LSM6: variants seen among roughly 807,000 people sequenced by gnomAD.
LSM6 encodes U6 snRNA-associated Sm-like protein LSm6.
A neutral mutation model predicts 13.5 loss-of-function variants in LSM6; 2 were observed. The ratio of observed to expected loss-of-function variants is 0.15; its 90% confidence interval spans 0.06 to 0.47. LSM6 has a LOEUF of 0.47. LSM6 is among the 20% of genes least tolerant of loss of function. The pLI is 0.97. For missense variants in LSM6, 58 were observed against 96.4 expected (o/e 0.60, Z 1.67); for synonymous variants, 43 against 34.9 (o/e 1.23, Z -0.82).
At chr4:146,182,579 G>A (rs1730254190) in intron 1 of LSM6, among the ~76,000 whole-genome samples, 1 of 152,264 alleles carries the variant, frequency 6.6e-6, no homozygotes, top group African/African-American at 2.4e-5. Context: ...GGTAATGGTT[G>A]TAATGGGTAT....
At chr4:146,183,516 AAGAGGCTGC>A (rs1394603918) in intron 2 of LSM6, 1 of 152,472 alleles carries the variant, frequency 6.6e-6, no homozygotes, top group East Asian at 1.9e-4. Flanking sequence ...TATTATTTTT[AAGAGGCTGC>A]AGTGCTTTTG....
intron 3 of LSM6, among the ~76,000 whole-genome samples, chr4:146,187,890 A>G (rs1730382194): frequency 1.3e-5 from 2 of 152,254 alleles, no homozygotes; most frequent in Non-Finnish European, 2.9e-5. Context: ...ATAAATTGCT[A>G]TGATTTTTAT....
At chr4:146,189,144 A>G (rs1040045477) in intron 3 of LSM6, among the ~76,000 whole-genome samples, 1 of 151,818 alleles carries the variant, frequency 6.6e-6, no homozygotes, top group Non-Finnish European at 1.5e-5. Context: ...TGCATATACC[A>G]CCATGCCTGG....
At chr4:146,183,098 ACC>A in intron 2 of LSM6, 83 bp downstream of exon 2, 2 of 996,232 alleles carry the variant, frequency 2.0e-6, no homozygotes, top group Admixed American at 1.8e-5. Context: ...TCTTAAGTAT[ACC>A]CAATAGGCCA....
chr4:146,181,149 G>A (rs1255790229), intron 1 of LSM6: 1 of 152,178 alleles, frequency 6.6e-6, no homozygotes, highest in African/African-American at 2.4e-5. Context: ...AACATTTGTT[G>A]AGCAAAATAA....
At chr4:146,185,855 G>A (rs1414159218) in intron 2 of LSM6, among the ~76,000 whole-genome samples, 1 of 151,874 alleles carries the variant, frequency 6.6e-6, no homozygotes, top group South Asian at 2.1e-4. Flanking sequence ...TCCTGCCTCA[G>A]CCTCCCAAGT....
chr4:146,178,350 G>C (rs1039426459), intron 1 of LSM6, among the ~76,000 whole-genome samples: 1 of 152,198 alleles, frequency 6.6e-6, no homozygotes, highest in Non-Finnish European at 1.5e-5. Flanking sequence ...GAGGTGCTCT[G>C]AGTGGACTCA....
Position 146,191,504 on chromosome 4 carries a change from A to G in LSM6, c.*1848A>G, listed in dbSNP as rs1364340644. 6.6e-6 allele frequency: 1 copy of G among 152,196 alleles called. No individual in the cohort carries two copies. Among genetic ancestry groups the G allele is most frequent in the Non-Finnish European group, 1.5e-5 (1 of 68,050 alleles). 9.4% of individuals were successfully genotyped at this position (152,196 alleles called of 1,614,324 possible). ...AACTTTGGGAAGTGCTGCCATTTTT[A>G]TGGTAATAAAGGACTGTATTATGCA... On this transcript the variant is annotated 3_prime_UTR_variant, in exon 4 of 4. Transcript: ENST00000296581.
intron 2 of LSM6, among the ~76,000 whole-genome samples, chr4:146,183,930 C>T (rs1380078086): frequency 4.4e-4 from 64 of 145,734 alleles, no homozygotes; most frequent in African/African-American, 3.1e-4. Flanking sequence ...TGGAGTGCAG[C>T]GGCGCGATCT....
chr4:146,178,608 C>T (rs748529313), intron 1 of LSM6, among the ~76,000 whole-genome samples: 9 of 152,310 alleles, frequency 5.9e-5, no homozygotes, highest in Middle Eastern at 3.4e-3. Context: ...ACTGTAAATA[C>T]GCCAGGAGTA....
At chr4:146,186,289 A>G (rs1730347444) in intron 2 of LSM6, among the ~76,000 whole-genome samples, 1 of 152,286 alleles carries the variant, frequency 6.6e-6, no homozygotes, top group Non-Finnish European at 1.5e-5. Context: ...TCATTACACA[A>G]TTTTGAAAGG....
chr4:146,185,247 C>G (rs1730319911), intron 2 of LSM6, among the ~76,000 whole-genome samples: 1 of 152,178 alleles, frequency 6.6e-6, no homozygotes, highest in Non-Finnish European at 1.5e-5. Context: ...TTCTCACCAA[C>G]TCTTGTATTA....
chr4:146,180,798 A>G (rs1205898710), intron 1 of LSM6: 1 of 152,200 alleles, frequency 6.6e-6, no homozygotes, highest in East Asian at 1.9e-4. Flanking sequence ...CACCTGACTC[A>G]TCAGTTGAGT....
At chr4:146,178,625 AACTT>A (rs1427768399) in intron 1 of LSM6, among the ~76,000 whole-genome samples, 1 of 152,234 alleles carries the variant, frequency 6.6e-6, no homozygotes, top group Admixed American at 6.5e-5. Context: ...AGTAGGTAAA[AACTT>A]ACAGGTAAAC....
intron 1 of LSM6, among the ~76,000 whole-genome samples, chr4:146,182,088 T>C (rs1417632938): frequency 6.6e-6 from 1 of 152,218 alleles, no homozygotes; most frequent in Non-Finnish European, 1.5e-5. Context: ...AAGGTTGTGA[T>C]TAAGAGTATG....
At chr4:146,187,131 T>G in intron 2 of LSM6, 143 bp from the exon 3 acceptor site, 1 of 582,104 alleles carries the variant, frequency 1.7e-6, no homozygotes. Context: ...GCTTAAGCTG[T>G]TGAGTTTCAT....
At chr4:146,185,670 T>C (rs1369089962) in intron 2 of LSM6, among the ~76,000 whole-genome samples, 7 of 132,538 alleles carry the variant, frequency 5.3e-5, no homozygotes, top group South Asian at 2.1e-4. Context: ...TGCTTGTTTG[T>C]TTGTTTGTTT....
intron 1 of LSM6, 51 bp from the exon 2 acceptor site, chr4:146,182,861 A>C (rs1403776721): frequency 9.3e-7 from 1 of 1,072,018 alleles, no homozygotes; most frequent in African/African-American, 1.6e-5. Context: ...TTTGTTGAAT[A>C]ATCAACTTTG....
At chr4:146,188,813 TA>T (rs1451883306) in intron 3 of LSM6, among the ~76,000 whole-genome samples, 7 of 151,508 alleles carry the variant, frequency 4.6e-5, no homozygotes, top group African/African-American at 1.5e-4. Context: ...TTGGTATCAT[TA>T]AAAAATAAAA....
Sources: gnomAD v4.1 joint callset for allele counts (sites outside exome capture counted in the v4.1 genomes callset) on GRCh38, gnomAD v4.1.1 for gene constraint, MANE v1.5 for transcripts, NCBI Gene and HGNC (gene_info 2026-07-23, HGNC 2026-07-21) for gene names.